Variants in INSR observed in about 807,000 individuals in gnomAD.
The protein encoded by INSR is insulin receptor.
INSR carries 67 observed loss-of-function variants against 142.6 expected under a neutral mutation model. The ratio of observed to expected loss-of-function variants is 0.47; its 90% confidence interval spans 0.39 to 0.58. The LOEUF (loss-of-function observed/expected upper bound fraction) is 0.58. Ranked by LOEUF, INSR falls within the 20% of genes least tolerant of loss-of-function variation. The probability of loss-of-function intolerance (pLI) is 0.00; values close to 1 mark genes in which losing one functional copy is unlikely to be tolerated. For missense variants in INSR, 1,248 were observed against 1,833.2 expected, an observed-to-expected ratio of 0.68 and a Z score of 5.83; for synonymous variants, 756 against 743.1, an observed-to-expected ratio of 1.02 and a Z score of -0.28.
At position 7,166,488 on chromosome 19, in the gene INSR, A is replaced by T; in HGVS notation, c.1611-84T>A. 1 of 1,442,726 alleles carries T rather than the reference A, an allele frequency of 6.9e-7. No individual in the cohort carries two copies. Among genetic ancestry groups the T allele is most frequent in the Non-Finnish European group, 9.6e-7 (1 of 1,045,162 alleles). The allele number at this position is 1,442,726 out of a possible 1,614,324, so 89.4% of individuals were successfully genotyped here. ...GTGCAGATGAGGCCTGGGAAGTTAC[A>T]TCCCATAGGGTCACATGTTACTCAC... On this transcript the variant is annotated intron_variant, in intron 7 of 21. Transcript: ENST00000302850. This position sits in a 1 kb window ranked among gnomAD's most constrained non-coding sequence, Gnocchi z 4.1.
chr19:7,160,006 A>G (rs1216176956), intron 9 of INSR, among the ~76,000 whole-genome samples: 4 of 152,248 alleles, frequency 2.6e-5, no homozygotes, highest in Admixed American at 2.6e-4. Flanking sequence ...CCAAAACTAA[A>G]GAAGGAAATG....
intron 2 of INSR, among the ~76,000 whole-genome samples, chr19:7,234,106 A>T (rs574962630): frequency 2.6e-5 from 4 of 152,008 alleles, no homozygotes; most frequent in African/African-American, 9.6e-5. Context: ...GGGTTTCACT[A>T]TGTTGGGCAG....
At chr19:7,260,596 A>G (rs962238846) in intron 2 of INSR, among the ~76,000 whole-genome samples, 1 of 152,150 alleles carries the variant, frequency 6.6e-6, no homozygotes, top group African/African-American at 2.4e-5. Flanking sequence ...GTCAGAAATG[A>G]GGCTGAGCCC....
chr19:7,276,991 A>T (rs939177063), intron 1 of INSR, among the ~76,000 whole-genome samples: 1 of 152,124 alleles, frequency 6.6e-6, no homozygotes, highest in South Asian at 2.1e-4. Flanking sequence ...TAGACCTCCC[A>T]AAGTGCTGGG....
At chr19:7,290,266 C>A (rs549188862) in intron 1 of INSR, among the ~76,000 whole-genome samples, 44 of 151,978 alleles carry the variant, frequency 2.9e-4, no homozygotes, top group African/African-American at 1.1e-3. Context: ...ATTAGCCAGG[C>A]AGGGTGGCGT....
chr19:7,223,487 A>C (rs1269830489), intron 2 of INSR, among the ~76,000 whole-genome samples: 4 of 152,226 alleles, frequency 2.6e-5, no homozygotes, highest in African/African-American at 9.6e-5. Flanking sequence ...AACCAGTAGC[A>C]GGTGGGCTTT....
intron 13 of INSR, among the ~76,000 whole-genome samples, chr19:7,135,740 G>T (rs1599886589): frequency 6.6e-6 from 1 of 152,070 alleles, no homozygotes; most frequent in South Asian, 2.1e-4. Flanking sequence ...GAAGGCCGAG[G>T]CGGGCAGATC....
At chr19:7,126,843 G>A (rs1023226210) in intron 15 of INSR, among the ~76,000 whole-genome samples, 192 bp from the exon 16 acceptor site, 1 of 151,764 alleles carries the variant, frequency 6.6e-6, no homozygotes, top group African/African-American at 2.4e-5. Context: ...GTATGTAAGT[G>A]CATCAACATG....
At chr19:7,239,640 A>G (rs999006237) in intron 2 of INSR, among the ~76,000 whole-genome samples, 1 of 152,200 alleles carries the variant, frequency 6.6e-6, no homozygotes, top group African/African-American at 2.4e-5. Context: ...GGAGATGGAC[A>G]CCAAGATGTT....
rs1212600231 is a variant in INSR at position 7,160,800 on chromosome 19, C to A, written c.2029+2232G>T. Among the ~76,000 whole-genome samples the A allele has an allele frequency of 1.2e-4, 18 of 151,966 alleles. No homozygotes were observed. In the East Asian group the frequency reaches 3.5e-3, roughly 29 times the overall value. Reference sequence around the variant, plus strand: ...ATCATTTGAGGTCAGGAATTCAAGACCACCCTGGCCAACATGGTGAAACCC... The same window carrying A: ...ATCATTTGAGGTCAGGAATTCAAGAACACCCTGGCCAACATGGTGAAACCC... On this transcript the variant is annotated intron_variant, in intron 9 of 21. Transcript: ENST00000302850.
intron 2 of INSR, among the ~76,000 whole-genome samples, chr19:7,234,437 G>A (rs1976094060): frequency 6.6e-6 from 1 of 152,000 alleles, no homozygotes; most frequent in South Asian, 2.1e-4. Flanking sequence ...TGAAGTCCTG[G>A]GCTCAAGTAA....
Position 7,184,264 on chromosome 19 carries a change from C to T in INSR, c.974+52G>A, listed in dbSNP as rs2860179. The T allele has an allele frequency of 0.1, 154,940 of 1,524,714 alleles. 9,596 individuals carry two copies. The highest frequency in any genetic ancestry group is 0.25 in the African/African-American group (18,014 of 72,982). 94.4% of individuals were successfully genotyped at this position (1,524,714 alleles called of 1,614,324 possible). A position where few individuals can be genotyped will look rare whatever the true frequency, so the allele number is the denominator to read the frequency against. ...AACAAGCGGCATCGTCACAACCAAC[C>T]CCACGTTCCTTCTCCTCTCGGCTGC... On this transcript the variant is annotated intron_variant, in intron 3 of 21. Coordinates refer to ENST00000302850, the MANE Select transcript of INSR (RefSeq NM_000208.4).
At chr19:7,214,459 C>T (rs1975370630) in intron 2 of INSR, among the ~76,000 whole-genome samples, 1 of 152,184 alleles carries the variant, frequency 6.6e-6, no homozygotes, top group African/African-American at 2.4e-5. Flanking sequence ...CCAAGGTCAC[C>T]AAGCGAGGTC....
intron 2 of INSR, among the ~76,000 whole-genome samples, chr19:7,222,579 G>T (rs944609166): frequency 6.6e-6 from 1 of 152,084 alleles, no homozygotes; most frequent in Non-Finnish European, 1.5e-5. Flanking sequence ...TTTGTTTAGA[G>T]ACAGGGTCTT....
chr19:7,164,702 T>C (rs1202600853), intron 8 of INSR, among the ~76,000 whole-genome samples: 1 of 147,438 alleles, frequency 6.8e-6, no homozygotes, highest in Non-Finnish European at 1.5e-5. Flanking sequence ...GGTGCATGCA[T>C]GTAATCCCAG....
intron 2 of INSR, among the ~76,000 whole-genome samples, chr19:7,197,129 G>A (rs1029414344): frequency 6.6e-6 from 1 of 152,200 alleles, no homozygotes; most frequent in Non-Finnish European, 1.5e-5. Context: ...ACGACCGCAG[G>A]AGCGCGTGTC....
At chr19:7,173,422 G>A (rs907106118) in intron 4 of INSR, among the ~76,000 whole-genome samples, 110 of 151,830 alleles carry the variant, frequency 7.2e-4, no homozygotes, top group African/African-American at 2.5e-3. Context: ...AGGTTCAAGT[G>A]ATTCTCCTGC....
intron 2 of INSR, among the ~76,000 whole-genome samples, chr19:7,248,818 C>T (rs1055529636): frequency 3.0e-5 from 4 of 133,172 alleles, no homozygotes; most frequent in Admixed American, 2.6e-4. Context: ...AGTGCAGTGG[C>T]GTGATCTTGG....
At chr19:7,223,086 G>A (rs553916387) in intron 2 of INSR, among the ~76,000 whole-genome samples, 1 of 152,148 alleles carries the variant, frequency 6.6e-6, no homozygotes, top group Non-Finnish European at 1.5e-5. Context: ...GGGAGGCTGA[G>A]GCAGGAGAAT....
Sources: gnomAD v4.1 joint callset for allele counts (sites outside exome capture counted in the v4.1 genomes callset) on GRCh38, gnomAD v4.1.1 for gene constraint, Gnocchi (gnomAD v3.1) non-coding constraint, MANE v1.5 for transcripts, NCBI Gene and HGNC (gene_info 2026-07-23, HGNC 2026-07-21) for gene names.